Variants in WWC2 observed in about 807,000 individuals in gnomAD.
The protein encoded by WWC2 is protein WWC2.
A neutral mutation model predicts 138.5 loss-of-function variants in WWC2; 101 were observed. The ratio of observed to expected loss-of-function variants is 0.73; its 90% CI spans 0.62 to 0.86. WWC2 has a LOEUF of 0.86. Ranked by LOEUF, WWC2 falls within the 40% of genes least tolerant of loss-of-function variation. The pLI is 0.00. For missense variants in WWC2, 1,420 were observed against 1,419.4 expected, an observed-to-expected ratio of 1.00 and a Z score of -0.01; for synonymous variants, 558 against 538.4, an observed-to-expected ratio of 1.04 and a Z score of -0.50.
At chr4:183,289,873 C>T (rs1738385862) in intron 21 of WWC2, among the ~76,000 whole-genome samples, 2 of 149,516 alleles carry the variant, frequency 1.3e-5, no homozygotes, top group South Asian at 4.2e-4. Context: ...TGGGCGTGGC[C>T]AGTAGGGTGA....
intron 1 of WWC2, among the ~76,000 whole-genome samples, chr4:183,172,508 G>T (rs1270101332): frequency 6.8e-6 from 1 of 146,054 alleles, no homozygotes; most frequent in East Asian, 2.0e-4. Flanking sequence ...TTACTGACTT[G>T]TATATTCCAG....
At chr4:183,239,687 G>C (rs1341230092) in intron 4 of WWC2, among the ~76,000 whole-genome samples, 1 of 152,036 alleles carries the variant, frequency 6.6e-6, no homozygotes, top group East Asian at 1.9e-4. Flanking sequence ...GCAGGGGCAG[G>C]GGGGCTAGAG....
At chr4:183,212,650 A>G (rs943523437) in intron 4 of WWC2, among the ~76,000 whole-genome samples, 1 of 152,224 alleles carries the variant, frequency 6.6e-6, no homozygotes, top group African/African-American at 2.4e-5. Context: ...TAAGCTGTTA[A>G]TCTGTATACT....
At chr4:183,198,610 T>G (rs190318260) in intron 2 of WWC2, among the ~76,000 whole-genome samples, 109 of 151,928 alleles carry the variant, frequency 7.2e-4, no homozygotes, top group African/African-American at 2.6e-3. Flanking sequence ...TCAATTCTTT[T>G]GATAATAGAA....
chr4:183,254,000 G>T lies in WWC2; in HGVS notation c.1196+1G>T. Reference sequence around the variant, plus strand: ...CACCAAGCAGAGCTCTGGCCGAGAGGTTTGTTTTCCTTCTGGAAATAGGGC... The same window carrying T: ...CACCAAGCAGAGCTCTGGCCGAGAGTTTTGTTTTCCTTCTGGAAATAGGGC... On this transcript the variant is annotated splice_donor_variant, in intron 9 of 22. Transcript: ENST00000403733. LOFTEE classifies it high-confidence loss of function. 1.2e-6 allele frequency: 2 copies of T among 1,610,940 alleles called. No homozygotes were observed. Among genetic ancestry groups the T allele is most frequent in the Non-Finnish European group, 1.7e-6 (2 of 1,178,638 alleles).
At chr4:183,114,385 A>G (rs1732345404) in intron 1 of WWC2, among the ~76,000 whole-genome samples, 1 of 152,200 alleles carries the variant, frequency 6.6e-6, no homozygotes, top group Admixed American at 6.5e-5. Context: ...TCAGGTGCTT[A>G]TAGCAATGCA....
intron 17 of WWC2, 103 bp downstream of exon 17, chr4:183,281,000 A>G (rs1454886429): frequency 2.1e-6 from 3 of 1,433,036 alleles, no homozygotes; most frequent in African/African-American, 2.9e-5. Flanking sequence ...AGAATGATGG[A>G]ATGCACTGCA....
chr4:183,290,446 G>C (rs1738412043), intron 21 of WWC2, among the ~76,000 whole-genome samples: 1 of 152,012 alleles, frequency 6.6e-6, no homozygotes, highest in African/African-American at 2.4e-5. Flanking sequence ...AAACGTGGGA[G>C]GTGGAGGTTG....
chr4:183,175,652 A>G (rs1734446097), intron 1 of WWC2, among the ~76,000 whole-genome samples: 1 of 152,090 alleles, frequency 6.6e-6, no homozygotes, highest in African/African-American at 2.4e-5. Flanking sequence ...TCTCTTTTGG[A>G]CTAGAACAGT....
intron 1 of WWC2, among the ~76,000 whole-genome samples, chr4:183,178,279 G>A (rs1404769065): frequency 1.3e-5 from 2 of 151,934 alleles, no homozygotes; most frequent in Admixed American, 1.3e-4. Context: ...AGTGGCTGAT[G>A]CCTATAATTT....
rs10583073 is a variant in WWC2, at chr4:183,170,846, ATTTT to A, written c.132-22739_132-22736del. The stretch of plus-strand genomic sequence containing the variant: ...TAGCTGGGACTACACTAGCTAATTA[ATTTT>A]TTTTTTTTTTTTTAATAGAGAGTCT... On this transcript the variant is annotated intron_variant, in intron 1 of 22. Coordinates refer to ENST00000403733, the MANE Select transcript of WWC2 (RefSeq NM_024949.6). 3.9e-3 allele frequency among the ~76,000 whole-genome samples: 575 copies of A among 147,604 alleles called. 2 individuals are homozygous for A. Among genetic ancestry groups the A allele is most frequent in the Middle Eastern group, 6.9e-3 (2 of 288 alleles).
At chr4:183,198,789 T>TAAAAAA (rs56182831) in intron 2 of WWC2, among the ~76,000 whole-genome samples, 2 of 72,326 alleles carry the variant, frequency 2.8e-5, no homozygotes, top group Admixed American at 2.3e-4. Flanking sequence ...CTCGTCTCTT[T>TAAAAAA]AAAAAAAAAA....
At chr4:183,293,713 T>C (rs946807341) in intron 21 of WWC2, among the ~76,000 whole-genome samples, 1 of 152,226 alleles carries the variant, frequency 6.6e-6, no homozygotes, top group African/African-American at 2.4e-5. Flanking sequence ...TAAGTTATTA[T>C]AAATAGTAAG....
intron 21 of WWC2, among the ~76,000 whole-genome samples, chr4:183,302,142 AC>A (rs1032825963): frequency 2.0e-5 from 3 of 152,198 alleles, no homozygotes; most frequent in Admixed American, 6.5e-5. Context: ...ATATTTTTGT[AC>A]CTTTCTGGTC....
At chr4:183,113,062 C>T (rs950106531) in intron 1 of WWC2, among the ~76,000 whole-genome samples, 7 of 152,028 alleles carry the variant, frequency 4.6e-5, no homozygotes, top group Non-Finnish European at 1.0e-4. Flanking sequence ...CACCTGAGGT[C>T]AGGAGTTCGA....
chr4:183,211,167 G>A (rs1037793307), intron 4 of WWC2, among the ~76,000 whole-genome samples: 6 of 152,156 alleles, frequency 3.9e-5, no homozygotes, highest in South Asian at 4.1e-4. Flanking sequence ...TAAATACATT[G>A]TATTTTTCAG....
At chr4:183,209,477 T>C (rs527899120) in intron 4 of WWC2, among the ~76,000 whole-genome samples, 7 of 152,308 alleles carry the variant, frequency 4.6e-5, no homozygotes, top group Non-Finnish European at 8.8e-5. Context: ...CTGCAAGTTA[T>C]CTGCCCGCCT....
intron 21 of WWC2, 82 bp downstream of exon 21, chr4:183,289,717 C>G: frequency 6.5e-7 from 1 of 1,541,988 alleles, no homozygotes; most frequent in Non-Finnish European, 8.7e-7. Flanking sequence ...CCAACTTACA[C>G]TTCTGTTTTG....
At position 183,289,387 on chromosome 4, in the gene WWC2, A is replaced by G. The variant is rs547916987; in HGVS notation, c.3142-6A>G. On this transcript the variant is annotated splice_region_variant and splice_polypyrimidine_tract_variant and intron_variant, in intron 20 of 22. Transcript: ENST00000403733. Reference sequence around the variant, plus strand: ...GGTGTTCGTCATTCCGTTTCTAACTATCCAGACGGTTTGCCAGTCAGTCCT... The same window carrying G: ...GGTGTTCGTCATTCCGTTTCTAACTGTCCAGACGGTTTGCCAGTCAGTCCT... 3.1e-6 allele frequency: 5 copies of G among 1,610,354 alleles called. No homozygotes were observed. The African/African-American group carries it at 6.7e-5, about 21-fold the overall frequency.
Sources: allele counts gnomAD v4.1 joint callset (sites outside exome capture counted in the v4.1 genomes callset), GRCh38; gene constraint gnomAD v4.1.1; transcripts MANE v1.5; gene names NCBI Gene and HGNC (gene_info 2026-07-23, HGNC 2026-07-21).